The following VTI1A variants were observed in gnomAD, a reference collection of about 807,000 sequenced individuals.
VTI1A encodes the protein vesicle transport through interaction with t-SNAREs homolog 1A.
Under a neutral mutation model 34.9 loss-of-function variants are expected in VTI1A, and 22 were observed. The ratio of observed to expected loss-of-function variants is 0.63; its 90% confidence interval spans 0.45 to 0.90. The LOEUF is 0.90. Ranked by LOEUF, VTI1A falls within the 40% of genes least tolerant of loss-of-function variation. VTI1A has a pLI of 0.00. For synonymous variants in VTI1A, 87 were observed against 97.3 expected, an observed-to-expected ratio of 0.89 and a Z score of 0.62; for missense variants, 268 against 275.6, an observed-to-expected ratio of 0.97 and a Z score of 0.20.
chr10:112,688,015 G>A (rs1420962524), intron 7 of VTI1A, among the ~76,000 whole-genome samples: 4 of 147,858 alleles, frequency 2.7e-5, no homozygotes, highest in African/African-American at 7.6e-5. Context: ...TTGCAGTGGC[G>A]CGATCTCAGC....
intron 3 of VTI1A, among the ~76,000 whole-genome samples, chr10:112,468,552 A>T (rs1282025150): frequency 6.6e-6 from 1 of 152,068 alleles, no homozygotes; most frequent in Non-Finnish European, 1.5e-5. Flanking sequence ...GCCCATGGGG[A>T]GGGGCAGAGG....
chr10:112,696,337 T>G (rs924660621), intron 7 of VTI1A, among the ~76,000 whole-genome samples: 1 of 152,158 alleles, frequency 6.6e-6, no homozygotes, highest in Non-Finnish European at 1.5e-5. Flanking sequence ...TCCTAACCAG[T>G]GAAATTTACA....
chr10:112,467,205 C>T (rs1266381512), intron 3 of VTI1A, among the ~76,000 whole-genome samples: 1 of 151,970 alleles, frequency 6.6e-6, no homozygotes, highest in Non-Finnish European at 1.5e-5. Flanking sequence ...GCTAACCCAA[C>T]CTTTAGTCTT....
At chr10:112,719,651 A>G (rs558039460) in intron 7 of VTI1A, among the ~76,000 whole-genome samples, 8 of 151,928 alleles carry the variant, frequency 5.3e-5, no homozygotes, top group Non-Finnish European at 8.8e-5. Context: ...GGTTCAAGCG[A>G]TTCTCCTGCC....
At position 112,625,386 on chromosome 10, in the gene VTI1A, C is replaced by G. The variant is rs191040946; in HGVS notation, c.428-42832C>G. Among the ~76,000 whole-genome samples the G allele has an allele frequency of 2.0e-5, 3 of 152,276 alleles. No individual in the cohort carries two copies. The East Asian group carries it at 5.8e-4, about 30-fold the overall frequency. Reference sequence around the variant, plus strand: ...GGCGCGGCGGCTTCACGCCTGTAATCCCAGCACTTTGGGAGGCCGAGGCAG... The same window carrying G: ...GGCGCGGCGGCTTCACGCCTGTAATGCCAGCACTTTGGGAGGCCGAGGCAG... On this transcript the variant is annotated intron_variant, in intron 5 of 7. Coordinates refer to ENST00000393077, the MANE Select transcript of VTI1A (RefSeq NM_145206.4).
intron 5 of VTI1A, among the ~76,000 whole-genome samples, chr10:112,586,015 C>G (rs757668079): frequency 3.9e-5 from 6 of 152,086 alleles, no homozygotes; most frequent in Admixed American, 6.5e-5. Context: ...ACACTGCCCT[C>G]TCAAACCACA....
chr10:112,545,837 G>A lies in VTI1A; in HGVS notation c.427+7507G>A, dbSNP rs913043448. Among the ~76,000 whole-genome samples the A allele has an allele frequency of 5.3e-5, 8 of 151,896 alleles. No homozygotes were observed. The East Asian group carries it at 1.2e-3, about 22-fold the overall frequency. On this transcript the variant is annotated intron_variant, in intron 5 of 7. Coordinates refer to ENST00000393077, the MANE Select transcript of VTI1A (RefSeq NM_145206.4). ...GAATCTCGTGTGTGTGTGCGCACGC[G>A]TGCGCGTGTGTTTGTGGCTGTGTGT...
At chr10:112,655,029 T>C (rs1471362000) in intron 5 of VTI1A, among the ~76,000 whole-genome samples, 2 of 152,290 alleles carry the variant, frequency 1.3e-5, no homozygotes, top group East Asian at 3.9e-4. Flanking sequence ...CTGCCCTAGA[T>C]TGCCAACCCT....
intron 5 of VTI1A, among the ~76,000 whole-genome samples, chr10:112,592,188 A>G (rs1481570638): frequency 6.6e-6 from 1 of 152,182 alleles, no homozygotes; most frequent in East Asian, 1.9e-4. Flanking sequence ...CTGGAAATGA[A>G]CACAGCCTGG....
At chr10:112,775,195 T>C (rs905996034) in intron 7 of VTI1A, among the ~76,000 whole-genome samples, 3 of 152,214 alleles carry the variant, frequency 2.0e-5, no homozygotes, top group Non-Finnish European at 2.9e-5. Context: ...TTACACATTC[T>C]ATACCAGCAT....
chr10:112,787,693 CTTTTCTTTTTTTTTTTTTTT>C (rs1852329680), intron 7 of VTI1A, among the ~76,000 whole-genome samples: 2 of 105,390 alleles, frequency 1.9e-5, no homozygotes. Context: ...TTTCTTTTTT[CTTTTCTTTTTTTTTTTTTTT>C]TTTTTTGAGA....
At chr10:112,492,227 C>A (rs998734869) in intron 3 of VTI1A, among the ~76,000 whole-genome samples, 3 of 152,160 alleles carry the variant, frequency 2.0e-5, no homozygotes, top group Non-Finnish European at 2.9e-5. Context: ...TTAGATCAGT[C>A]CCAAAATGTT....
At chr10:112,800,712 G>C (rs1392998029) in intron 7 of VTI1A, among the ~76,000 whole-genome samples, 1 of 152,208 alleles carries the variant, frequency 6.6e-6, no homozygotes, top group Non-Finnish European at 1.5e-5. Flanking sequence ...CTTTCATAGA[G>C]ACCTGATGGT....
At chr10:112,723,818 T>G (rs149133096) in intron 7 of VTI1A, among the ~76,000 whole-genome samples, 30 of 152,300 alleles carry the variant, frequency 2.0e-4, no homozygotes, top group African/African-American at 7.2e-4. Context: ...TCACTGAGAG[T>G]ACAGTAGCAA....
chr10:112,717,198 C>G (rs1245125907), intron 7 of VTI1A, among the ~76,000 whole-genome samples: 2 of 152,302 alleles, frequency 1.3e-5, no homozygotes, highest in African/African-American at 4.8e-5. Flanking sequence ...CGTCTTTGCC[C>G]ATTACATTTA....
intron 5 of VTI1A, among the ~76,000 whole-genome samples, chr10:112,542,057 T>G (rs1414175883): frequency 1.3e-5 from 2 of 152,228 alleles, no homozygotes; most frequent in Admixed American, 6.5e-5. Context: ...ATATCCATTT[T>G]GTTTGAGGTC....
At chr10:112,533,299 C>G (rs1404387966) in intron 4 of VTI1A, among the ~76,000 whole-genome samples, 1 of 152,048 alleles carries the variant, frequency 6.6e-6, no homozygotes, top group Admixed American at 6.5e-5. Flanking sequence ...GAATTTCACA[C>G]TATTCTCTTT....
intron 5 of VTI1A, among the ~76,000 whole-genome samples, chr10:112,570,498 A>C (rs111622207): frequency 6.6e-6 from 1 of 152,250 alleles, no homozygotes; most frequent in African/African-American, 2.4e-5. Context: ...ATTAGTATCA[A>C]ATGTATTTTA....
intron 3 of VTI1A, among the ~76,000 whole-genome samples, chr10:112,467,830 C>A (rs1847947579): frequency 1.3e-5 from 2 of 152,210 alleles, no homozygotes; most frequent in Admixed American, 1.3e-4. Flanking sequence ...AGATTTCATT[C>A]AACAAGAGTT....
Sources: gnomAD v4.1 joint callset for allele counts (sites outside exome capture counted in the v4.1 genomes callset) on GRCh38, gnomAD v4.1.1 for gene constraint, MANE v1.5 for transcripts, NCBI Gene and HGNC (gene_info 2026-07-23, HGNC 2026-07-21) for gene names.